Variants in ANKRD65 observed in about 807,000 individuals in gnomAD.
ANKRD65 encodes ankyrin repeat domain-containing protein 65.
In ANKRD65, 26 loss-of-function variants were observed where a neutral mutation model predicts 17.2. The observed-to-expected ratio is 1.51, with a 90% confidence interval of 1.11 to 2.09. ANKRD65 has a LOEUF of 2.09. Among genes scored for constraint, ANKRD65 ranks in the 30% most tolerant of loss-of-function variants. The probability of loss-of-function intolerance (pLI) is 0.00; values close to 1 mark genes in which losing one functional copy is unlikely to be tolerated. For missense variants in ANKRD65, 621 were observed against 542.2 expected (o/e 1.15, Z -1.44); for synonymous variants, 311 against 272.2 (o/e 1.14, Z -1.40).
At chr1:1,419,905 C>G in intron 3 of ANKRD65, 147 bp downstream of exon 3, 2 of 943,230 alleles carry the variant, frequency 2.1e-6, no homozygotes, top group Non-Finnish European at 2.8e-6. Context: ...CGGGGCTACA[C>G]CGGAGGGGCA....
rs1193734868 is a variant in ANKRD65, at chr1:1,421,054, C to T, written c.1-49G>A. On this transcript the variant is annotated intron_variant, in intron 1 of 3. Transcript: ENST00000537107. ...ATCCACTGTGGAGGCCTCTGGCCTG[C>T]CCCCAGCCGTGTCCCAGGCCAACTG... is the stretch of plus-strand genomic sequence containing the variant. 8 of 1,528,868 alleles carry T rather than the reference C, an allele frequency of 5.2e-6. No homozygotes were observed. The Admixed American group carries it at 9.9e-5, about 19-fold the overall frequency. The allele number at this position is 1,528,868 out of a possible 1,614,324, so 94.7% of individuals were successfully genotyped here. A position where few individuals can be genotyped will look rare whatever the true frequency, so the allele number is the denominator to read the frequency against.
Position 1,421,023 on chromosome 1 carries a change from T to C in ANKRD65, c.1-18A>G. ...GAGTCCATCTGGGGGGGAGCAGGGA[T>C]CCTACATCCACTGTGGAGGCCTCTG... is the stretch of plus-strand genomic sequence containing the variant. On this transcript the variant is annotated intron_variant, in intron 1 of 3. Coordinates refer to ENST00000537107, the MANE Select transcript of ANKRD65 (RefSeq NM_001145210.3). 1 of 1,549,840 alleles carries C rather than the reference T, an allele frequency of 6.5e-7. No individual in the cohort carries two copies. Among genetic ancestry groups the C allele is most frequent in the Non-Finnish European group, 8.7e-7 (1 of 1,146,676 alleles).
chr1:1,419,163 G>A lies in ANKRD65; in HGVS notation c.1137C>T (p.Pro379=), dbSNP rs1645495989. 2 of 1,544,010 alleles carry A rather than the reference G, an allele frequency of 1.3e-6. No individual in the cohort carries two copies. Among genetic ancestry groups the A allele is most frequent in the Non-Finnish European group, 1.8e-6 (2 of 1,141,944 alleles). Residue 379 remains proline (P), a synonymous_variant, in exon 4 of 4, where the codon CCC becomes CCT. Coordinates refer to ENST00000537107, the MANE Select transcript of ANKRD65 (RefSeq NM_001145210.3). ...EVAQMPEGDL[P]QALPELGGGE... ...CCCCTCCAAGTTCAGGCAGCGCCTG[G>A]GGCAGGTCCCCCTCAGGCATCTGGG...
Position 1,418,813 on chromosome 1 carries a change from A to G in ANKRD65, c.*287T>C. ...CTTGTTGTTTTTTCTTAAAACAGGT[A>G]CTGAGTATAAAACACTATGAGAGGG... On this transcript the variant is annotated 3_prime_UTR_variant, in exon 4 of 4. Coordinates refer to ENST00000537107, the MANE Select transcript of ANKRD65 (RefSeq NM_001145210.3). The G allele has an allele frequency of 8.7e-6, 3 of 344,492 alleles. No individual in the cohort carries two copies. Among genetic ancestry groups the G allele is most frequent in the Non-Finnish European group, 1.6e-5 (3 of 190,596 alleles). 21.3% of individuals were successfully genotyped at this position (344,492 alleles called of 1,614,324 possible).
Position 1,420,389 on chromosome 1 carries a change from C to T in ANKRD65, c.413G>A (p.Gly138Glu), listed in dbSNP as rs912817271. 84 of 1,306,716 alleles carry T rather than the reference C, an allele frequency of 6.4e-5. No homozygotes were observed. The highest frequency in any genetic ancestry group is 7.9e-5 in the Non-Finnish European group (81 of 1,022,688). The allele number at this position is 1,306,716 out of a possible 1,614,324, so 80.9% of individuals were successfully genotyped here. A position where few individuals can be genotyped will look rare whatever the true frequency, so the allele number is the denominator to read the frequency against. ...QRGASAAARS[G>E]TGLTPLHWAA... ...CCAGTGCAGCGGCGTGAGGCCCGTC[C>T]CGGAGCGAGCCGCCGCCGAGGCCCC... Residue 138 changes from glycine to glutamate, a missense_variant, in exon 3 of 4, where the codon GGG (glycine) becomes GAG (glutamate). Coordinates refer to ENST00000537107, the MANE Select transcript of ANKRD65 (RefSeq NM_001145210.3).
chr1:1,419,334 C>T lies in ANKRD65; in HGVS notation c.966G>A (p.Leu322=), dbSNP rs143937891. The T allele has an allele frequency of 9.7e-5, 150 of 1,550,354 alleles. No individual in the cohort carries two copies. In the East Asian group the frequency reaches 3.6e-3, roughly 37 times the overall value. The change falls in exon 4 of 4, where the codon CTG becomes CTA. Residue 322 remains leucine (L), a synonymous_variant. Transcript: ENST00000537107. ...EGHVEVAGCL[L]DRGAQVDATG... ...TAGCATCCACCTGGGCACCCCTGTC[C>T]AGCAGGCAGCCGGCAACCTCCACGT...
chr1:1,420,012 C>T, intron 3 of ANKRD65, 40 bp downstream of exon 3: 4 of 1,249,876 alleles, frequency 3.2e-6, no homozygotes, highest in East Asian at 3.3e-5. Flanking sequence ...CCTGGCCCTG[C>T]GCCCCCTCCC....
Position 1,419,566 on chromosome 1 carries a change from A to C in ANKRD65, c.751-17T>G. The stretch of plus-strand genomic sequence containing the variant: ...CTCAATGTCCTAGAAGAGGAGAGAA[A>C]AGCAGGGGCCGGCCTCAGCCCGGTA... On this transcript the variant is annotated splice_polypyrimidine_tract_variant and intron_variant, in intron 3 of 3. Coordinates refer to ENST00000537107, the MANE Select transcript of ANKRD65 (RefSeq NM_001145210.3). 3 of 1,507,876 alleles carry C rather than the reference A, an allele frequency of 2.0e-6. No individual in the cohort carries two copies. The highest frequency in any genetic ancestry group is 2.7e-6 in the Non-Finnish European group (3 of 1,128,236). 93.4% of individuals were successfully genotyped at this position (1,507,876 alleles called of 1,614,324 possible).
Position 1,419,555 on chromosome 1 carries a change from A to T in ANKRD65, c.751-6T>A, listed in dbSNP as rs1465694755. The T allele has an allele frequency of 1.3e-6, 2 of 1,516,806 alleles. No individual in the cohort carries two copies. The highest frequency in any genetic ancestry group is 2.4e-5 in the South Asian group (2 of 82,390). 94.0% of individuals were successfully genotyped at this position (1,516,806 alleles called of 1,614,324 possible). On this transcript the variant is annotated splice_region_variant and splice_polypyrimidine_tract_variant and intron_variant, in intron 3 of 3. Coordinates refer to ENST00000537107, the MANE Select transcript of ANKRD65 (RefSeq NM_001145210.3). ...CCCAGCAGCACCTCAATGTCCTAGA[A>T]GAGGAGAGAAAAGCAGGGGCCGGCC...
chr1:1,419,470 G>A lies in ANKRD65; in HGVS notation c.830C>T (p.Ala277Val). ...RHGRSALHRA[A>V]ARGHLLAVQL... ...GACGGCAAGCAGGTGTCCTCGGGCG[G>A]CAGCCCTGTGCAGCGCAGAGCGGCC... is the stretch of plus-strand genomic sequence containing the variant. Residue 277 changes from alanine to valine, a missense_variant, in exon 4 of 4, where the codon GCC becomes GTC. Transcript: ENST00000537107. 6.5e-7 allele frequency: 1 copy of A among 1,547,604 alleles called. No individual in the cohort carries two copies.
At position 1,420,590 on chromosome 1, in the gene ANKRD65, TC is replaced by T. The variant is rs1645536037; in HGVS notation, c.211del (p.Asp71ThrfsTer176). On this transcript the variant is annotated frameshift_variant and splice_region_variant, in exon 3 of 4. Coordinates refer to ENST00000537107, the MANE Select transcript of ANKRD65 (RefSeq NM_001145210.3). LOFTEE classifies it high-confidence loss of function. ...GTGGAGCGGGGTCCGGCCTGCGTGG[TC>T]CCTGAGGAGGGGGCAAGGGCGTCGG... ...LRQGASVEER[D>X]HAGRTPLHLA... The T allele has an allele frequency of 7.1e-7, 1 of 1,404,944 alleles. No individual in the cohort carries two copies. The highest frequency in any genetic ancestry group is 1.5e-5 in the African/African-American group (1 of 68,964). 87.0% of individuals were successfully genotyped at this position (1,404,944 alleles called of 1,614,324 possible). A position where few individuals can be genotyped will look rare whatever the true frequency, so the allele number is the denominator to read the frequency against.
In ANKRD65 at chr1:1,420,899, G is replaced by C. The variant is rs1471962175; in HGVS notation, c.107C>G (p.Pro36Arg). 1.4e-5 allele frequency: 22 copies of C among 1,550,412 alleles called. No homozygotes were observed. The highest frequency in any genetic ancestry group is 7.3e-5 in the East Asian group (3 of 40,930). Residue 36 changes from proline (P) to arginine (R), a missense_variant, in exon 2 of 4, where the codon CCT (proline) becomes CGT (arginine). Physicochemically the swap from Pro to Arg is moderately radical, Grantham distance 103. Transcript: ENST00000537107. The part of the protein sequence containing the change: ...EEALGTRTEG[P>R]SVVQGWGHLL... The stretch of plus-strand genomic sequence containing the variant: ...GTGCCCCCAGCCCTGGACAACACTA[G>C]GCCCCTCTGTCCTGGTTCCCAGGGC...
At position 1,419,019 on chromosome 1, in the gene ANKRD65, G is replaced by A. The variant is rs1039013995; in HGVS notation, c.*81C>T. The A allele has an allele frequency of 1.9e-5, 26 of 1,396,346 alleles. No homozygotes were observed. In the African/African-American group the frequency reaches 3.5e-4, roughly 19 times the overall value. 86.5% of individuals were successfully genotyped at this position (1,396,346 alleles called of 1,614,324 possible). A position where few individuals can be genotyped will look rare whatever the true frequency, so the allele number is the denominator to read the frequency against. Reference sequence around the variant, plus strand: ...CCCCTCCTCCGGAAGCCTCTTCCCTGATGTCCCCTCCAGGCAGGCAGCCTC... The same window carrying A: ...CCCCTCCTCCGGAAGCCTCTTCCCTAATGTCCCCTCCAGGCAGGCAGCCTC... On this transcript the variant is annotated 3_prime_UTR_variant, in exon 4 of 4. Coordinates refer to ENST00000537107, the MANE Select transcript of ANKRD65 (RefSeq NM_001145210.3).
chr1:1,419,871 G>A (rs1645513695), intron 3 of ANKRD65, among the ~76,000 whole-genome samples, 181 bp downstream of exon 3: 1 of 152,198 alleles, frequency 6.6e-6, no homozygotes, highest in African/African-American at 2.4e-5. Flanking sequence ...CCGGGCCTCG[G>A]ATCCCGCCCT....
rs1170448497 is a variant in ANKRD65, at chr1:1,419,175, C to A, written c.1125G>T (p.Glu375Asp). The A allele has an allele frequency of 6.5e-7, 1 of 1,545,942 alleles. No individual in the cohort carries two copies. The highest frequency in any genetic ancestry group is 1.2e-5 in the South Asian group (1 of 83,910). Residue 375 changes from glutamate to aspartate, a missense_variant, in exon 4 of 4, where the codon GAG (glutamate) becomes GAT (aspartate). Glu to Asp is a conservative substitution (Grantham distance 45). Transcript: ENST00000537107. ...CAGGCAGCGCCTGGGGCAGGTCCCC[C>A]TCAGGCATCTGGGCCACCTCGGCCC... ...TQWAEVAQMP[E>D]GDLPQALPEL...
Position 1,420,814 on chromosome 1 carries a change from A to G in ANKRD65, c.192T>C (p.Gly64=). The change falls in exon 2 of 4, where the codon GGT becomes GGC. Residue 64 remains glycine (G), a synonymous_variant. Coordinates refer to ENST00000537107, the MANE Select transcript of ANKRD65 (RefSeq NM_001145210.3). ...AGLVTQLLRQ[G]ASVEERDHAG... The stretch of plus-strand genomic sequence containing the variant: ...AGGTGCACCTCTCCTCCACGCTGGC[A>G]CCTTGCCGCAGCAGCTGCGTCACCA... The G allele has an allele frequency of 6.5e-7, 1 of 1,548,008 alleles. No homozygotes were observed. The highest frequency in any genetic ancestry group is 8.7e-7 in the Non-Finnish European group (1 of 1,146,542).
Position 1,420,128 on chromosome 1 carries a change from C to G in ANKRD65, c.674G>C (p.Arg225Pro). ...RGAALRFLLA[R>P]GARVDARDGA... ...ATCCCGGGCGTCCACCCGCGCCCCGCGCGCCAGGAGGAAGCGCAGCGCCGC... is the reference window on the plus strand; with the variant it reads ...ATCCCGGGCGTCCACCCGCGCCCCGGGCGCCAGGAGGAAGCGCAGCGCCGC... The change falls in exon 3 of 4, where the codon CGC becomes CCC. Residue 225 changes from arginine (R) to proline (P), a missense_variant. Arg to Pro is a moderately radical substitution (Grantham distance 103). Coordinates refer to ENST00000537107, the MANE Select transcript of ANKRD65 (RefSeq NM_001145210.3). 1 of 1,250,726 alleles carries G rather than the reference C, an allele frequency of 8.0e-7. No homozygotes were observed. The highest frequency in any genetic ancestry group is 2.6e-5 in the South Asian group (1 of 37,986). 77.5% of individuals were successfully genotyped at this position (1,250,726 alleles called of 1,614,324 possible). A position where few individuals can be genotyped will look rare whatever the true frequency, so the allele number is the denominator to read the frequency against.
In ANKRD65 at chr1:1,419,114, C is replaced by T; in HGVS notation, c.1186G>A (p.Glu396Lys). Residue 396 changes from glutamate to lysine, a missense_variant, in exon 4 of 4, where the codon GAG becomes AAG. Transcript: ENST00000537107. ...TGCTGTCTGGCTCAGCCCGTGGACT[C>T]TATGCCCTCACACTCCTTCTCCCCC... Reference protein sequence around the residue: ...GGGEKECEGIESTG With the variant: ...GGGEKECEGIKSTG 1 of 1,514,162 alleles carries T rather than the reference C, an allele frequency of 6.6e-7. No individual in the cohort carries two copies. Among genetic ancestry groups the T allele is most frequent in the Non-Finnish European group, 8.9e-7 (1 of 1,124,742 alleles). The allele number at this position is 1,514,162 out of a possible 1,614,324, so 93.8% of individuals were successfully genotyped here. A position where few individuals can be genotyped will look rare whatever the true frequency, so the allele number is the denominator to read the frequency against.
At position 1,419,803 on chromosome 1, in the gene ANKRD65, A is replaced by T. The variant is rs534390039; in HGVS notation, c.750+249T>A. 2.2e-3 allele frequency among the ~76,000 whole-genome samples: 334 copies of T among 152,342 alleles called. 1 individual carries two copies. Among genetic ancestry groups the T allele is most frequent in the African/African-American group, 7.6e-3 (316 of 41,582 alleles). On this transcript the variant is annotated intron_variant, in intron 3 of 3. Transcript: ENST00000537107. ...CCCGCTGCCCAGGAACGGGGGTCTC[A>T]GGCACAGGCCCGGCGCTGGCGGAGA...
Sources: gnomAD v4.1 joint callset for allele counts (sites outside exome capture counted in the v4.1 genomes callset) on GRCh38, gnomAD v4.1.1 for gene constraint, MANE v1.5 for transcripts, NCBI Gene and HGNC (gene_info 2026-07-23, HGNC 2026-07-21) for gene names.